The following ATP2B2 variants were observed in gnomAD, a reference collection of about 807,000 sequenced individuals.
The protein encoded by ATP2B2 is plasma membrane calcium-transporting ATPase 2.
A neutral mutation model predicts 120.0 loss-of-function variants in ATP2B2; 15 were observed. The ratio of observed to expected loss-of-function variants is 0.12; its 90% CI spans 0.08 to 0.19. The LOEUF is 0.19. Ranked by LOEUF, ATP2B2 falls within the 10% of genes least tolerant of loss-of-function variation. The pLI, the probability that ATP2B2 is intolerant of heterozygous loss-of-function variation, is 1.00. For synonymous variants in ATP2B2, 694 were observed against 700.3 expected (o/e 0.99, Z 0.14); for missense variants, 1,045 against 1,719.8 (o/e 0.61, Z 6.94).
chr3:10,349,350 G>A (rs1245490321), intron 16 of ATP2B2, among the ~76,000 whole-genome samples: 1 of 152,194 alleles, frequency 6.6e-6, no homozygotes, highest in Non-Finnish European at 1.5e-5. Context: ...AGCTACTTGG[G>A]AGGCTGAGGC....
chr3:10,441,636 C>T (rs956815438), intron 2 of ATP2B2, among the ~76,000 whole-genome samples: 2 of 152,368 alleles, frequency 1.3e-5, no homozygotes, highest in African/African-American at 4.8e-5. Context: ...TGTGTAGCCA[C>T]ATCACACAGA....
chr3:10,394,798 G>A (rs565542711), intron 5 of ATP2B2, among the ~76,000 whole-genome samples: 3 of 152,096 alleles, frequency 2.0e-5, no homozygotes, highest in South Asian at 2.1e-4. Context: ...GGGGTCTCGC[G>A]GGGGTTGAGC....
intron 1 of ATP2B2, among the ~76,000 whole-genome samples, chr3:10,691,277 G>A (rs752665): frequency 0.37 from 56,495 of 152,090 alleles, 13,340 homozygotes; most frequent in African/African-American, 0.68. Context: ...TAAAATAACC[G>A]TACAATGGAT....
Position 10,374,963 on chromosome 3 carries a change from C to T in ATP2B2, c.1416+467G>A, listed in dbSNP as rs555675095. Among the ~76,000 whole-genome samples, 422 of 152,330 alleles carry T rather than the reference C, an allele frequency of 2.8e-3. 2 individuals are homozygous for T. The highest frequency in any genetic ancestry group is 0.01 in the Middle Eastern group (3 of 294). On this transcript the variant is annotated intron_variant, in intron 11 of 22. Coordinates refer to ENST00000360273, the MANE Select transcript of ATP2B2 (RefSeq NM_001001331.4). ...GAGTTTTACAAGCGCTACAGTTGCC[C>T]GCGGGGCCTACGACTGAGACCGCCA...
intron 2 of ATP2B2, among the ~76,000 whole-genome samples, chr3:10,590,022 T>A (rs1392152184): frequency 6.6e-6 from 1 of 152,188 alleles, no homozygotes; most frequent in Non-Finnish European, 1.5e-5. Context: ...ACAATCCTAA[T>A]GTCTCTCAAT....
At chr3:10,360,268 C>A in intron 12 of ATP2B2, 145 bp from the exon 13 acceptor site, 4 of 1,399,862 alleles carry the variant, frequency 2.9e-6, no homozygotes, top group East Asian at 2.5e-5. Context: ...GGCCCATCCC[C>A]TGCACCCTCA....
At chr3:10,398,589 C>T (rs1170940592) in intron 5 of ATP2B2, among the ~76,000 whole-genome samples, 1 of 152,252 alleles carries the variant, frequency 6.6e-6, no homozygotes, top group Non-Finnish European at 1.5e-5. Context: ...TGTCCCCAGT[C>T]CCCTTGTCCT....
intron 5 of ATP2B2, 96 bp downstream of exon 5, chr3:10,400,857 C>T (rs56233521): frequency 0.016 from 25,093 of 1,580,512 alleles, 265 homozygotes; most frequent in Middle Eastern, 0.02. Flanking sequence ...AGCCAAGGAT[C>T]AAAGTCTCTG....
chr3:10,606,503 A>G (rs552052415), intron 2 of ATP2B2, among the ~76,000 whole-genome samples: 3 of 152,160 alleles, frequency 2.0e-5, no homozygotes, highest in Non-Finnish European at 4.4e-5. Context: ...TTGGTGAAGT[A>G]GGGAGTGCAA....
chr3:10,468,470 C>T (rs2064847420), intron 1 of ATP2B2, among the ~76,000 whole-genome samples: 1 of 152,258 alleles, frequency 6.6e-6, no homozygotes, highest in South Asian at 2.1e-4. Context: ...TGTTGATTTG[C>T]TGACGCATGG....
intron 3 of ATP2B2, among the ~76,000 whole-genome samples, chr3:10,518,259 C>G (rs1163370375): frequency 6.6e-6 from 1 of 152,170 alleles, no homozygotes; most frequent in African/African-American, 2.4e-5. Context: ...ATGGATTTGC[C>G]TTGCCAGTTG....
In ATP2B2 at chr3:10,554,119, G is replaced by A. The variant is rs116439660; in HGVS notation, c.-414-19986C>T. Reference sequence around the variant, plus strand: ...ATTGCTGGCAATAGAAATACCCCAGGAATAAAGAATTAACCCCATGTATGG... The same window carrying A: ...ATTGCTGGCAATAGAAATACCCCAGAAATAAAGAATTAACCCCATGTATGG... On this transcript the variant is annotated intron_variant, in intron 2 of 21. Coordinates refer to the ATP2B2 transcript ENST00000646379. Among the ~76,000 whole-genome samples the A allele has an allele frequency of 6.7e-3, 1,017 of 152,126 alleles. 12 individuals are homozygous for A. Among genetic ancestry groups the A allele is most frequent in the African/African-American group, 0.023 (936 of 41,478 alleles).
intron 2 of ATP2B2, among the ~76,000 whole-genome samples, chr3:10,615,187 G>A (rs1347459374): frequency 6.6e-6 from 1 of 152,150 alleles, no homozygotes; most frequent in Non-Finnish European, 1.5e-5. Context: ...GCTGCTGGAG[G>A]GTTACAGTCA....
chr3:10,517,568 T>C (rs2066901285), intron 3 of ATP2B2, among the ~76,000 whole-genome samples: 1 of 152,192 alleles, frequency 6.6e-6, no homozygotes, highest in South Asian at 2.1e-4. Context: ...ACAATAGCAT[T>C]GATGATACTG....
chr3:10,603,803 A>G (rs922684795), intron 2 of ATP2B2, among the ~76,000 whole-genome samples: 7 of 152,058 alleles, frequency 4.6e-5, no homozygotes, highest in African/African-American at 1.7e-4. Flanking sequence ...CTTTCCAGGA[A>G]AAAAAAACAA....
At chr3:10,638,696 A>C (rs1461940644) in intron 1 of ATP2B2, among the ~76,000 whole-genome samples, 1 of 152,230 alleles carries the variant, frequency 6.6e-6, no homozygotes, top group Non-Finnish European at 1.5e-5. Flanking sequence ...AGCAAAGTAC[A>C]ACTCTATGTT....
chr3:10,569,768 G>C (rs1289714930), intron 2 of ATP2B2, among the ~76,000 whole-genome samples: 2 of 152,110 alleles, frequency 1.3e-5, no homozygotes, highest in Non-Finnish European at 2.9e-5. Flanking sequence ...GACTTGCTGA[G>C]GGTCAACAAC....
chr3:10,526,770 C>G (rs1415691563), intron 3 of ATP2B2, among the ~76,000 whole-genome samples: 1 of 152,140 alleles, frequency 6.6e-6, no homozygotes, highest in Non-Finnish European at 1.5e-5. Flanking sequence ...GCCTTGCCCT[C>G]TGACTTGCTA....
At chr3:10,456,451 T>A (rs1043219402) in intron 1 of ATP2B2, among the ~76,000 whole-genome samples, 1 of 152,170 alleles carries the variant, frequency 6.6e-6, no homozygotes, top group Admixed American at 6.5e-5. Context: ...CTCTTAATCC[T>A]CTGTGCCTTG....
Sources: gnomAD v4.1 joint callset for allele counts (sites outside exome capture counted in the v4.1 genomes callset) on GRCh38, gnomAD v4.1.1 for gene constraint, MANE v1.5 for transcripts, NCBI Gene and HGNC (gene_info 2026-07-23, HGNC 2026-07-21) for gene names.